The following MAPKAP1 variants were observed in gnomAD, a reference collection of about 807,000 sequenced individuals.
MAPKAP1 encodes the protein MAPK associated protein 1, also known as target of rapamycin complex 2 subunit MAPKAP1.
In MAPKAP1, 20 loss-of-function variants were observed where a neutral mutation model predicts 65.7. The ratio of observed to expected loss-of-function variants is 0.30; its 90% CI spans 0.21 to 0.44. The LOEUF is 0.44. Among genes scored for constraint, MAPKAP1 ranks in the 20% least tolerant of loss-of-function variants. The pLI, the probability that MAPKAP1 is intolerant of heterozygous loss-of-function variation, is 1.00. For missense variants in MAPKAP1, 423 were observed against 648.0 expected, an observed-to-expected ratio of 0.65 and a Z score of 3.77; for synonymous variants, 222 against 244.3, an observed-to-expected ratio of 0.91 and a Z score of 0.85.
At position 125,700,367 on chromosome 9, in the gene MAPKAP1, T is replaced by C. The variant is rs999420507; in HGVS notation, c.-70+6604A>G. On this transcript the variant is annotated intron_variant, in intron 1 of 11. Transcript: ENST00000265960. ...TGAAGTTTTACACATTCAGTACACT[T>C]TGCATCAATAATAAAAGTATATTCA... 2.0e-5 allele frequency among the ~76,000 whole-genome samples: 3 copies of C among 152,348 alleles called. No homozygotes were observed. In the South Asian group the frequency reaches 6.2e-4, roughly 32 times the overall value.
intron 11 of MAPKAP1, among the ~76,000 whole-genome samples, chr9:125,444,237 G>A (rs762303452): frequency 6.6e-6 from 1 of 152,274 alleles, no homozygotes; most frequent in Non-Finnish European, 1.5e-5. Context: ...GGAAGAGCCA[G>A]GGTTATTGGG....
intron 7 of MAPKAP1, among the ~76,000 whole-genome samples, chr9:125,535,359 A>T (rs1830043266): frequency 6.6e-6 from 1 of 152,212 alleles, no homozygotes; most frequent in South Asian, 2.1e-4. Context: ...GTGCTGCTTT[A>T]GTAGCTTATA....
At position 125,669,840 on chromosome 9, in the gene MAPKAP1, T is replaced by C; in HGVS notation, c.327A>G (p.Lys109=). ...TACCTGATTGCTTAGAATTTCTTTC[T>C]TTCCACTGAATATTTTTGCATTTGA... ...NQIKCKNIQW[K]ERNSKQSAQE... is the part of the protein sequence containing the mutation. Residue 109 remains lysine, a synonymous_variant, in exon 3 of 12, where the codon AAA becomes AAG. Coordinates refer to ENST00000265960, the MANE Select transcript of MAPKAP1 (RefSeq NM_001006617.3). 6.3e-7 allele frequency: 1 copy of C among 1,581,968 alleles called. No individual in the cohort carries two copies. The highest frequency in any genetic ancestry group is 8.6e-7 in the Non-Finnish European group (1 of 1,157,846).
chr9:125,512,290 C>A (rs538642879), intron 7 of MAPKAP1, among the ~76,000 whole-genome samples: 7 of 152,322 alleles, frequency 4.6e-5, no homozygotes, highest in African/African-American at 1.7e-4. Context: ...TCTAGAGACC[C>A]GTGGGAGAAA....
intron 6 of MAPKAP1, among the ~76,000 whole-genome samples, chr9:125,545,521 T>C (rs981952064): frequency 1.3e-5 from 2 of 152,332 alleles, no homozygotes; most frequent in African/African-American, 4.8e-5. Context: ...AGTACTGGCC[T>C]GGACCTCATG....
At chr9:125,496,393 A>T (rs1032331424) in intron 8 of MAPKAP1, among the ~76,000 whole-genome samples, 14 of 152,166 alleles carry the variant, frequency 9.2e-5, no homozygotes, top group Admixed American at 7.9e-4. Flanking sequence ...AGCAATAACA[A>T]CCTAAAATAT....
chr9:125,643,074 A>G (rs544783123), intron 4 of MAPKAP1, among the ~76,000 whole-genome samples: 1 of 151,702 alleles, frequency 6.6e-6, no homozygotes, highest in African/African-American at 2.4e-5. Flanking sequence ...TAATTTTTGT[A>G]TTTTTAGTAG....
At chr9:125,462,903 A>G (rs1853549890) in intron 10 of MAPKAP1, among the ~76,000 whole-genome samples, 1 of 152,220 alleles carries the variant, frequency 6.6e-6, no homozygotes, top group Admixed American at 6.5e-5. Flanking sequence ...GTGGAATTCA[A>G]TGGGAAAGAC....
chr9:125,483,949 A>C (rs1182692330), intron 9 of MAPKAP1, among the ~76,000 whole-genome samples: 2 of 152,236 alleles, frequency 1.3e-5, no homozygotes, highest in Non-Finnish European at 2.9e-5. Flanking sequence ...GGTTTAAGTC[A>C]AAACAGAAAT....
chr9:125,648,591 A>G (rs1341925967), intron 4 of MAPKAP1, among the ~76,000 whole-genome samples: 1 of 152,216 alleles, frequency 6.6e-6, no homozygotes, highest in East Asian at 1.9e-4. Flanking sequence ...TCCTTCTAAC[A>G]CATGGCCTAG....
chr9:125,455,071 T>C (rs531311730), intron 10 of MAPKAP1, among the ~76,000 whole-genome samples: 2 of 151,808 alleles, frequency 1.3e-5, no homozygotes, highest in South Asian at 4.2e-4. Context: ...ATAAAAAAAA[T>C]GAGAAAACAT....
At chr9:125,561,588 C>A (rs1830895186) in intron 5 of MAPKAP1, among the ~76,000 whole-genome samples, 1 of 152,164 alleles carries the variant, frequency 6.6e-6, no homozygotes, top group Admixed American at 6.5e-5. Context: ...AAAGAAAGCA[C>A]TTTGGATGAG....
chr9:125,595,785 TC>T lies in MAPKAP1; in HGVS notation c.499-10059del. ...AGCCATTGTGAGCAATGGGGAACGC[TC>T]CCAGACTGTGTGGTAATGAAAGATT... On this transcript the variant is annotated intron_variant, in intron 4 of 11. Coordinates refer to ENST00000265960, the MANE Select transcript of MAPKAP1 (RefSeq NM_001006617.3). The surrounding 1 kb of genome is among the most constrained non-coding windows in gnomAD (Gnocchi z 4.0). 1 of 1,196,012 alleles carries T rather than the reference TC, an allele frequency of 8.4e-7. No individual in the cohort carries two copies. The highest frequency in any genetic ancestry group is 1.2e-6 in the Non-Finnish European group (1 of 816,374). The allele number at this position is 1,196,012 out of a possible 1,614,324, so 74.1% of individuals were successfully genotyped here. A position where few individuals can be genotyped will look rare whatever the true frequency, so the allele number is the denominator to read the frequency against.
rs1054117687 is a variant in MAPKAP1 at position 125,707,150 on chromosome 9, G to A, written c.-249C>T. 4 of 398,070 alleles carry A rather than the reference G, an allele frequency of 1.0e-5. No individual in the cohort carries two copies. Among genetic ancestry groups the A allele is most frequent in the African/African-American group, 2.1e-5 (1 of 48,620 alleles). The allele number at this position is 398,070 out of a possible 1,614,324, so 24.7% of individuals were successfully genotyped here. A position where few individuals can be genotyped will look rare whatever the true frequency, so the allele number is the denominator to read the frequency against. ...TTCCCGGGTTAGCCCTCATGCCCCT[G>A]CTGCTCGCCGCCGCCGGCCGGCCGA... On this transcript the variant is annotated 5_prime_UTR_variant, in exon 1 of 12. Transcript: ENST00000265960.
At chr9:125,693,720 CGT>C (rs372180188) in intron 1 of MAPKAP1, among the ~76,000 whole-genome samples, 41,281 of 135,416 alleles carry the variant, frequency 0.3, 7,818 homozygotes, top group Non-Finnish European at 0.38. Flanking sequence ...CATATATACA[CGT>C]ATATACACAT....
chr9:125,441,025 A>G (rs1427884371), intron 11 of MAPKAP1, among the ~76,000 whole-genome samples: 1 of 152,228 alleles, frequency 6.6e-6, no homozygotes, highest in African/African-American at 2.4e-5. Context: ...AGATTAATGT[A>G]ATAATCAAAA....
intron 7 of MAPKAP1, among the ~76,000 whole-genome samples, chr9:125,536,715 A>G (rs1341801539): frequency 6.6e-6 from 1 of 152,210 alleles, no homozygotes; most frequent in Non-Finnish European, 1.5e-5. Context: ...GATTTTCTGT[A>G]CCAATTGCAT....
At position 125,439,714 on chromosome 9, in the gene MAPKAP1, C is replaced by T. The variant is rs1273080425; in HGVS notation, c.1444-702G>A. Among the ~76,000 whole-genome samples, 6 of 152,180 alleles carry T rather than the reference C, an allele frequency of 3.9e-5. No homozygotes were observed. The highest frequency in any genetic ancestry group is 8.8e-5 in the Non-Finnish European group (6 of 68,042). ...GCTTCCACGAAGCCCTGGGAGTCTG[C>T]CCGGAGTCGCATGTGCATCTTCCAC... On this transcript the variant is annotated intron_variant, in intron 11 of 11. Transcript: ENST00000265960. The surrounding 1 kb of genome is among the most constrained non-coding windows in gnomAD (Gnocchi z 4.0).
intron 1 of MAPKAP1, among the ~76,000 whole-genome samples, chr9:125,698,278 AATATATATAAATATATAT>A (rs1351590945): frequency 3.6e-3 from 95 of 26,610 alleles, no homozygotes; most frequent in African/African-American, 0.014. Context: ...TATAATACAT[AATATATATAAATATATAT>A]ATATATATAT....
Sources: gnomAD v4.1 joint callset for allele counts (sites outside exome capture counted in the v4.1 genomes callset) on GRCh38, gnomAD v4.1.1 for gene constraint, Gnocchi (gnomAD v3.1) non-coding constraint, MANE v1.5 for transcripts, NCBI Gene and HGNC (gene_info 2026-07-23, HGNC 2026-07-21) for gene names.